TLK2: variants seen among roughly 807,000 people sequenced by gnomAD.
TLK2 encodes the protein tousled like kinase 2.
In TLK2, 6 loss-of-function variants were observed where a neutral mutation model predicts 117.3. The observed-to-expected ratio is 0.05, with a 90% CI of 0.03 to 0.10. The LOEUF is 0.10. Ranked by LOEUF, TLK2 falls within the 10% of genes least tolerant of loss-of-function variation. TLK2 has a pLI of 1.00. For synonymous variants in TLK2, 257 were observed against 316.7 expected (o/e 0.81, Z 2.00); for missense variants, 299 against 901.2 (o/e 0.33, Z 8.56).
chr17:62,505,514 A>G (rs1422872169), intron 2 of TLK2, among the ~76,000 whole-genome samples: 1 of 142,676 alleles, frequency 7.0e-6, no homozygotes, highest in African/African-American at 2.6e-5. Context: ...TAGACTCCCA[A>G]ACTGTTGGGA....
At chr17:62,488,616 A>G (rs561810518) in intron 2 of TLK2, among the ~76,000 whole-genome samples, 1 of 152,196 alleles carries the variant, frequency 6.6e-6, no homozygotes, top group East Asian at 1.9e-4. Flanking sequence ...TTTCTCTGAA[A>G]TTTCTGAAGT....
rs375187637 is a variant in TLK2 at position 62,602,189 on chromosome 17, C to A, written c.1859+9C>A. The A allele has an allele frequency of 6.2e-7, 1 of 1,611,796 alleles. No homozygotes were observed. The highest frequency in any genetic ancestry group is 1.3e-5 in the African/African-American group (1 of 74,812). On this transcript the variant is annotated intron_variant, in intron 19 of 21. Transcript: ENST00000346027. ...GGTGCTGGTACTTATTGGTAGGTAT[C>A]CAGGAGCTCTGCCAGGTTGGCTATA...
chr17:62,596,965 T>C (rs1446233210), intron 17 of TLK2, among the ~76,000 whole-genome samples: 3 of 152,170 alleles, frequency 2.0e-5, no homozygotes, highest in Non-Finnish European at 4.4e-5. Context: ...CTCCTGTGTC[T>C]AATTTTGATG....
intron 10 of TLK2, chr17:62,560,401 A>G (rs1475983662): frequency 1.3e-4 from 24 of 178,752 alleles, no homozygotes; most frequent in Non-Finnish European, 1.2e-5. Context: ...TTGCTCTCCT[A>G]TATTCTTATA....
chr17:62,610,259 G>T (rs1177727331), intron 21 of TLK2, among the ~76,000 whole-genome samples: 1 of 152,216 alleles, frequency 6.6e-6, no homozygotes, highest in Non-Finnish European at 1.5e-5. Context: ...ATTATCTCCT[G>T]TGTCCCTGTT....
At chr17:62,574,547 T>C (rs916213924) in intron 12 of TLK2, 6 of 619,056 alleles carry the variant, frequency 9.7e-6, no homozygotes, top group Admixed American at 2.6e-5. Flanking sequence ...AGACGAAGTC[T>C]CACTCCGTCG....
chr17:62,473,773 T>G (rs1171878514), intron 1 of TLK2, among the ~76,000 whole-genome samples: 6 of 152,240 alleles, frequency 3.9e-5, no homozygotes, highest in Non-Finnish European at 8.8e-5. Context: ...AGACATTGTT[T>G]GTGGCTACTT....
At chr17:62,607,931 G>A (rs2083438747) in intron 20 of TLK2, 110 bp from the exon 21 acceptor site, 2 of 869,642 alleles carry the variant, frequency 2.3e-6, no homozygotes, top group African/African-American at 1.7e-5. Context: ...GTTCCTTGCA[G>A]CAATTCAAAT....
chr17:62,518,036 A>G (rs930001753), intron 2 of TLK2, among the ~76,000 whole-genome samples: 2 of 152,168 alleles, frequency 1.3e-5, no homozygotes, highest in Non-Finnish European at 2.9e-5. Flanking sequence ...GGGACCTCCA[A>G]CTTAGTTCTT....
chr17:62,587,312 A>G (rs188203171), intron 16 of TLK2, among the ~76,000 whole-genome samples: 9 of 152,304 alleles, frequency 5.9e-5, no homozygotes, highest in African/African-American at 1.9e-4. Context: ...TTGTTGGTAC[A>G]AGTATTGAAT....
At chr17:62,494,210 G>A (rs2073411102) in intron 2 of TLK2, among the ~76,000 whole-genome samples, 1 of 152,164 alleles carries the variant, frequency 6.6e-6, no homozygotes, top group Non-Finnish European at 1.5e-5. Context: ...AGCCTCTCAA[G>A]TAGCTGGGAC....
chr17:62,514,058 A>G (rs918033099), intron 2 of TLK2, among the ~76,000 whole-genome samples: 1 of 152,094 alleles, frequency 6.6e-6, no homozygotes, highest in Non-Finnish European at 1.5e-5. Flanking sequence ...AAAGTGCTAC[A>G]TTATGTGAGC....
chr17:62,486,071 T>C (rs1169891045), intron 2 of TLK2, among the ~76,000 whole-genome samples: 3 of 151,560 alleles, frequency 2.0e-5, no homozygotes, highest in East Asian at 2.0e-4. Context: ...CTGCCCACCT[T>C]GGCCTCCCAA....
At chr17:62,547,422 G>C (rs1372215114) in intron 7 of TLK2, among the ~76,000 whole-genome samples, 1 of 151,794 alleles carries the variant, frequency 6.6e-6, no homozygotes, top group Admixed American at 6.6e-5. Context: ...CAGGCACAGA[G>C]GGTCACATTT....
At chr17:62,575,876 T>C (rs2080749088) in intron 12 of TLK2, among the ~76,000 whole-genome samples, 1 of 152,146 alleles carries the variant, frequency 6.6e-6, no homozygotes, top group African/African-American at 2.4e-5. Flanking sequence ...TCTTCTTTTT[T>C]TCACAGAGAC....
chr17:62,515,174 T>C (rs2075476705), intron 2 of TLK2, among the ~76,000 whole-genome samples: 1 of 152,218 alleles, frequency 6.6e-6, no homozygotes, highest in Non-Finnish European at 1.5e-5. Flanking sequence ...GGCTTATCCA[T>C]GTTGTAGAAT....
In TLK2 at chr17:62,615,054, T is replaced by C. The variant is rs2084030163; in HGVS notation, c.*2489T>C. On this transcript the variant is annotated 3_prime_UTR_variant, in exon 22 of 22. Transcript: ENST00000346027. ...CCTGCCTTTTTTTTCCCCGTGGGCT[T>C]TTAAGTGAAGCTGCAGGATTTTATC... The C allele has an allele frequency of 6.6e-6, 1 of 152,228 alleles. No individual in the cohort carries two copies. Among genetic ancestry groups the C allele is most frequent in the Non-Finnish European group, 1.5e-5 (1 of 68,044 alleles). 9.4% of individuals were successfully genotyped at this position (152,228 alleles called of 1,614,324 possible).
chr17:62,549,416 A>AAAAAAAAAAAAAAAAAAAGT (rs2078224738), intron 7 of TLK2, among the ~76,000 whole-genome samples: 1 of 31,966 alleles, frequency 3.1e-5, no homozygotes, highest in Non-Finnish European at 7.7e-5. Context: ...AAAAAAAAAA[A>AAAAAAAAAAAAAAAAAAAGT]AAAAAAAAAA....
intron 6 of TLK2, among the ~76,000 whole-genome samples, chr17:62,535,271 A>C (rs924502546): frequency 1.3e-4 from 20 of 152,114 alleles, no homozygotes; most frequent in African/African-American, 4.3e-4. Flanking sequence ...ATCCCTCCCT[A>C]AAGTTAATGT....
Sources: allele counts gnomAD v4.1 joint callset (sites outside exome capture counted in the v4.1 genomes callset), GRCh38; gene constraint gnomAD v4.1.1; transcripts MANE v1.5; gene names NCBI Gene and HGNC (gene_info 2026-07-23, HGNC 2026-07-21).